Variants in PRKACB observed in about 807,000 individuals in gnomAD.
PRKACB encodes the protein protein kinase cAMP-activated catalytic subunit beta, also known as cAMP-dependent protein kinase catalytic subunit beta.
In PRKACB, 16 loss-of-function variants were observed where a neutral mutation model predicts 51.4. That is an observed-to-expected ratio of 0.31 (90% confidence interval 0.21 to 0.47). The LOEUF (loss-of-function observed/expected upper bound fraction) is 0.47, where lower values mean the gene tolerates loss of function less well. Among genes scored for constraint, PRKACB ranks in the 20% least tolerant of loss-of-function variants. PRKACB has a pLI of 1.00. For missense variants in PRKACB, 309 were observed against 464.5 expected (o/e 0.67, Z 3.08); for synonymous variants, 147 against 154.4 (o/e 0.95, Z 0.35).
At chr1:84,230,159 A>C (rs1028617146) in intron 9 of PRKACB, among the ~76,000 whole-genome samples, 3 of 151,922 alleles carry the variant, frequency 2.0e-5, no homozygotes, top group Non-Finnish European at 2.9e-5. Flanking sequence ...ATGGCTAGCC[A>C]GTTTTCCCAG....
chr1:84,202,817 A>G lies in PRKACB; in HGVS notation c.906+12A>G. 6.3e-7 allele frequency: 1 copy of G among 1,580,090 alleles called. No homozygotes were observed. ...TTGTTTCTGGAAAGGTAAGTAAAAC[A>G]TTTTATTATTCCTCTCTTATTACTG... is the stretch of plus-strand genomic sequence containing the variant. On this transcript the variant is annotated intron_variant, in intron 8 of 9. Transcript: ENST00000370685.
chr1:84,113,801 AC>A (rs1301218723), intron 1 of PRKACB, among the ~76,000 whole-genome samples: 2 of 152,206 alleles, frequency 1.3e-5, no homozygotes, highest in Admixed American at 1.3e-4. Flanking sequence ...ATCTGTAGAT[AC>A]AGAAAGTAGA....
chr1:84,083,838 T>C (rs2100745282), intron 1 of PRKACB, among the ~76,000 whole-genome samples: 1 of 152,332 alleles, frequency 6.6e-6, no homozygotes, highest in East Asian at 1.9e-4. Context: ...AATGTATTCC[T>C]TCAAGAATGT....
chr1:84,093,494 A>C (rs1357831019), intron 1 of PRKACB, among the ~76,000 whole-genome samples: 1 of 152,098 alleles, frequency 6.6e-6, no homozygotes, highest in Non-Finnish European at 1.5e-5. Context: ...GTGTCAGTAC[A>C]AAACTGCATG....
chr1:84,210,339 G>A (rs1671944009), intron 8 of PRKACB, among the ~76,000 whole-genome samples: 2 of 152,164 alleles, frequency 1.3e-5, no homozygotes, highest in African/African-American at 4.8e-5. Flanking sequence ...CCTCTTCCAT[G>A]TTAAATGATG....
intron 9 of PRKACB, among the ~76,000 whole-genome samples, chr1:84,224,510 G>A (rs1558328379): frequency 2.0e-5 from 3 of 152,300 alleles, no homozygotes; most frequent in Middle Eastern, 3.4e-3. Flanking sequence ...GTGGGTAAGC[G>A]CCAGCAGTGG....
intron 7 of PRKACB, among the ~76,000 whole-genome samples, chr1:84,199,077 GTATATATA>G (rs1390213315): frequency 2.0e-5 from 1 of 48,848 alleles, no homozygotes; most frequent in East Asian, 4.9e-4. Context: ...ATGCATATAT[GTATATATA>G]TGCGTATATA....
At chr1:84,219,397 G>T (rs1344023948) in intron 9 of PRKACB, among the ~76,000 whole-genome samples, 1 of 151,592 alleles carries the variant, frequency 6.6e-6, no homozygotes, top group African/African-American at 2.4e-5. Flanking sequence ...GCTAATTTTT[G>T]TATTTTTAGT....
intron 1 of PRKACB, chr1:84,086,261 GC>G: frequency 2.1e-6 from 3 of 1,457,438 alleles, no homozygotes; most frequent in Non-Finnish European, 9.6e-7. Flanking sequence ...TGGTTCCCTT[GC>G]CCCCATGGGA....
chr1:84,202,690 A>G lies in PRKACB; in HGVS notation c.791A>G (p.Asn264Ser). ...APEIILSKGY[N>S]KAVDWWALGV... is the part of the protein sequence containing the mutation. ...GGTGTTGGTTTATCTCAGGGCTACA[A>G]TAAGGCAGTGGATTGGTGGGCATTA... Residue 264 changes from asparagine (N) to serine (S), a missense_variant, in exon 8 of 10, where the codon AAT (asparagine) becomes AGT (serine). By Grantham distance (46) the Asn-to-Ser change is conservative. Around this residue, in one of 3 missense-constraint regions of PRKACB, gnomAD observed 60 missense variants for 144.4 expected, o/e 0.42. Transcript: ENST00000370685. 1 of 1,608,414 alleles carries G rather than the reference A, an allele frequency of 6.2e-7. No homozygotes were observed. Among genetic ancestry groups the G allele is most frequent in the Non-Finnish European group, 8.5e-7 (1 of 1,176,714 alleles).
At chr1:84,137,041 G>A (rs1652897015) in intron 1 of PRKACB, among the ~76,000 whole-genome samples, 1 of 152,118 alleles carries the variant, frequency 6.6e-6, no homozygotes, top group Admixed American at 6.5e-5. Context: ...ACCTTGTGAA[G>A]AAGGTGCCTT....
rs949384355 is a variant in PRKACB, at chr1:84,164,285, C to A, written c.188-14892C>A. On this transcript the variant is annotated intron_variant, in intron 1 of 9. Transcript: ENST00000370685. Reference sequence around the variant, plus strand: ...CGATCTCGGCAATAAGATTCATCGCCAATAGTCACTAGCAACAGCACACAG... The same window carrying A: ...CGATCTCGGCAATAAGATTCATCGCAAATAGTCACTAGCAACAGCACACAG... The A allele has an allele frequency of 4.6e-5, 69 of 1,495,226 alleles. No homozygotes were observed. In the East Asian group the frequency reaches 1.7e-3, roughly 36 times the overall value. 92.6% of individuals were successfully genotyped at this position (1,495,226 alleles called of 1,614,324 possible). A position where few individuals can be genotyped will look rare whatever the true frequency, so the allele number is the denominator to read the frequency against.
chr1:84,150,840 A>G (rs1216257793), intron 1 of PRKACB, among the ~76,000 whole-genome samples: 4 of 152,208 alleles, frequency 2.6e-5, no homozygotes, highest in Non-Finnish European at 4.4e-5. Context: ...AGACCAGTCC[A>G]TAACAAAAAT....
upstream of PRKACB, among the ~76,000 whole-genome samples, chr1:84,141,870 C>T (rs943019401): frequency 3.3e-5 from 5 of 151,786 alleles, no homozygotes; most frequent in East Asian, 5.8e-4. Flanking sequence ...TAATTGGAAG[C>T]GGGGAAAACA....
intron 1 of PRKACB, among the ~76,000 whole-genome samples, chr1:84,098,769 GT>G (rs1649117345): frequency 6.6e-6 from 1 of 152,080 alleles, no homozygotes; most frequent in African/African-American, 2.4e-5. Context: ...CAGGGTTCTG[GT>G]TTTGCCAAGC....
chr1:84,156,818 CT>C (rs1655559439), intron 1 of PRKACB, among the ~76,000 whole-genome samples: 1 of 152,164 alleles, frequency 6.6e-6, no homozygotes, highest in South Asian at 2.1e-4. Flanking sequence ...TCAGTGACCT[CT>C]TATTCTCTCA....
At chr1:84,153,870 G>C (rs920678500) in intron 1 of PRKACB, among the ~76,000 whole-genome samples, 1 of 152,052 alleles carries the variant, frequency 6.6e-6, no homozygotes, top group Non-Finnish European at 1.5e-5. Flanking sequence ...TAGACATACT[G>C]ATTTCTTTCT....
chr1:84,161,604 A>T (rs1289629623), intron 1 of PRKACB, among the ~76,000 whole-genome samples: 1 of 151,802 alleles, frequency 6.6e-6, no homozygotes, highest in Non-Finnish European at 1.5e-5. Flanking sequence ...TAAAAATAAA[A>T]TTTAAAAGGC....
chr1:84,086,629 A>T (rs1271325001), intron 1 of PRKACB, among the ~76,000 whole-genome samples: 2 of 152,238 alleles, frequency 1.3e-5, no homozygotes, highest in African/African-American at 4.8e-5. Flanking sequence ...AAGAAAAAGA[A>T]AAAAGAAGCC....
Sources: gnomAD v4.1 joint callset for allele counts (sites outside exome capture counted in the v4.1 genomes callset) on GRCh38, gnomAD v4.1.1 for gene constraint, gnomAD v4.1.1 regional missense constraint, MANE v1.5 for transcripts, NCBI Gene and HGNC (gene_info 2026-07-23, HGNC 2026-07-21) for gene names.